TANK: variants seen among roughly 807,000 people sequenced by gnomAD.
TANK encodes TRAF family member associated NFKB activator.
A neutral mutation model predicts 43.6 loss-of-function variants in TANK; 15 were observed. The ratio of observed to expected loss-of-function variants is 0.34; its 90% CI spans 0.23 to 0.53. The LOEUF (loss-of-function observed/expected upper bound fraction) is 0.53, where lower values mean the gene tolerates loss of function less well. Ranked by LOEUF, TANK falls within the 20% of genes least tolerant of loss-of-function variation. The pLI is 0.94. For synonymous variants in TANK, 162 were observed against 178.2 expected (o/e 0.91, Z 0.73); for missense variants, 417 against 498.6 (o/e 0.84, Z 1.56).
intron 2 of TANK, among the ~76,000 whole-genome samples, chr2:161,202,628 A>G (rs1466313136): frequency 2.6e-5 from 4 of 152,092 alleles, no homozygotes; most frequent in Non-Finnish European, 5.9e-5. Context: ...GATTATTAGA[A>G]CTTCATTTTC....
At chr2:161,184,636 G>T (rs1255505821) in intron 2 of TANK, among the ~76,000 whole-genome samples, 3 of 152,096 alleles carry the variant, frequency 2.0e-5, no homozygotes, top group African/African-American at 4.8e-5. Context: ...GAAAGCAGGG[G>T]TGCCTGAATG....
At chr2:161,170,696 T>C (rs1345047987) in intron 1 of TANK, among the ~76,000 whole-genome samples, 1 of 152,192 alleles carries the variant, frequency 6.6e-6, no homozygotes, top group Non-Finnish European at 1.5e-5. Context: ...ATGATTCTAA[T>C]TTACTGACAG....
chr2:161,211,497 A>G (rs1686886099), intron 4 of TANK, among the ~76,000 whole-genome samples: 1 of 152,234 alleles, frequency 6.6e-6, no homozygotes, highest in Non-Finnish European at 1.5e-5. Context: ...TAGGTAAATG[A>G]TAAATATGTT....
At chr2:161,229,526 T>A (rs915662235) in intron 6 of TANK, among the ~76,000 whole-genome samples, 1 of 152,014 alleles carries the variant, frequency 6.6e-6, no homozygotes, top group Non-Finnish European at 1.5e-5. Flanking sequence ...TAAGAAAGGA[T>A]GGTATGAAGA....
intron 4 of TANK, among the ~76,000 whole-genome samples, chr2:161,220,900 T>TA (rs1687311818): frequency 2.6e-5 from 4 of 152,214 alleles, no homozygotes; most frequent in Non-Finnish European, 5.9e-5. Context: ...TTTGGACTAA[T>TA]GAAATATTAA....
At chr2:161,172,355 C>CTTTTCTTTTTTTTTTTTTTTTTT (rs1553485179) in intron 1 of TANK, among the ~76,000 whole-genome samples, 1 of 89,270 alleles carries the variant, frequency 1.1e-5, no homozygotes, top group African/African-American at 4.9e-5. Context: ...TTTTTTTCGG[C>CTTTTCTTTTTTTTTTTTTTTTTT]TTTTTTTTTT....
chr2:161,154,416 A>G (rs767225191), intron 1 of TANK, among the ~76,000 whole-genome samples: 4 of 152,212 alleles, frequency 2.6e-5, no homozygotes, highest in Non-Finnish European at 4.4e-5. Flanking sequence ...ATTTTATTCT[A>G]AAGGTGAGGG....
chr2:161,178,051 T>A (rs991895172), intron 1 of TANK, among the ~76,000 whole-genome samples: 1 of 152,138 alleles, frequency 6.6e-6, no homozygotes, highest in Non-Finnish European at 1.5e-5. Flanking sequence ...ATTGGAACCC[T>A]TATACAATGC....
chr2:161,223,725 C>A (rs570527973), intron 4 of TANK, 190 bp from the exon 5 acceptor site: 2 of 383,940 alleles, frequency 5.2e-6, no homozygotes, highest in Admixed American at 4.4e-5. Context: ...CTTCATTTTC[C>A]TTTTTCCTTG....
chr2:161,156,861 CT>C (rs1684240743), upstream of TANK, among the ~76,000 whole-genome samples: 3 of 152,178 alleles, frequency 2.0e-5, no homozygotes, highest in African/African-American at 2.4e-5. Flanking sequence ...AATGATTTGT[CT>C]TTTTCTTGAT....
At chr2:161,232,987 T>C (rs1687994856) in intron 7 of TANK, 2 of 931,842 alleles carry the variant, frequency 2.1e-6, no homozygotes, top group South Asian at 4.3e-5. Context: ...GAATATTTCT[T>C]AAAATGAGTT....
upstream of TANK, among the ~76,000 whole-genome samples, chr2:161,155,492 G>A (rs1472186306): frequency 6.6e-6 from 1 of 152,104 alleles, no homozygotes. Flanking sequence ...AAAATGGGTG[G>A]TATGATGTTT....
intron 2 of TANK, among the ~76,000 whole-genome samples, chr2:161,180,902 GTTTT>G (rs35730859): frequency 7.4e-6 from 1 of 135,680 alleles, no homozygotes; most frequent in Non-Finnish European, 1.6e-5. Flanking sequence ...AGAGTTCAGG[GTTTT>G]TTTTTTTTTT....
intron 1 of TANK, among the ~76,000 whole-genome samples, chr2:161,164,488 G>T (rs761950175): frequency 6.6e-6 from 1 of 152,150 alleles, no homozygotes; most frequent in Non-Finnish European, 1.5e-5. Context: ...TCGCTTTATA[G>T]TTCGGAACCA....
chr2:161,184,289 A>G (rs1685558148), intron 2 of TANK, among the ~76,000 whole-genome samples: 1 of 152,158 alleles, frequency 6.6e-6, no homozygotes, highest in African/African-American at 2.4e-5. Flanking sequence ...ATAGAGATAG[A>G]TAGGATACAG....
intron 5 of TANK, among the ~76,000 whole-genome samples, chr2:161,224,253 A>G (rs1687495544): frequency 1.3e-5 from 2 of 151,976 alleles, no homozygotes; most frequent in African/African-American, 4.8e-5. Context: ...CTTTATATGG[A>G]TGGCTCCTAA....
chr2:161,196,738 C>G (rs1271659119), intron 2 of TANK, among the ~76,000 whole-genome samples: 1 of 152,028 alleles, frequency 6.6e-6, no homozygotes, highest in African/African-American at 2.4e-5. Flanking sequence ...CGCTTGTAAT[C>G]CCAGCTACTC....
intron 4 of TANK, chr2:161,207,595 GTGTGC>G: frequency 5.1e-6 from 5 of 985,316 alleles, no homozygotes; most frequent in Non-Finnish European, 6.0e-6. Context: ...AGAGTTGGCT[GTGTGC>G]TTAGTGTAAA....
rs1686570748 is a variant in TANK, at chr2:161,204,734, A to G, written c.268A>G (p.Thr90Ala). ...EDSETRKNNL[T>A]LDQPQDKVIS... ...CAGTGAAACAAGAAAGAATAATTTG[A>G]CTCTTGATCAGCCACAAGATAAAGT... Residue 90 changes from threonine (T) to alanine (A), a missense_variant, in exon 4 of 8, where the codon ACT becomes GCT. Thr to Ala is a moderately conservative substitution (Grantham distance 58, BLOSUM62 0). Transcript: ENST00000392749. 1 of 1,607,924 alleles carries G rather than the reference A, an allele frequency of 6.2e-7. No homozygotes were observed. The highest frequency in any genetic ancestry group is 1.3e-5 in the African/African-American group (1 of 74,224).
Sources: gnomAD v4.1 joint callset for allele counts (sites outside exome capture counted in the v4.1 genomes callset) on GRCh38, gnomAD v4.1.1 for gene constraint, MANE v1.5 for transcripts, NCBI Gene and HGNC (gene_info 2026-07-23, HGNC 2026-07-21) for gene names.